The following VASH1 variants were observed in gnomAD, a reference collection of about 807,000 sequenced individuals.
The protein encoded by VASH1 is vasohibin 1.
In VASH1, 16 loss-of-function variants were observed where a neutral mutation model predicts 35.0. The observed-to-expected ratio is 0.46, with a 90% confidence interval of 0.31 to 0.70. The LOEUF (loss-of-function observed/expected upper bound fraction) is 0.70, where lower values mean the gene tolerates loss of function less well. Among genes scored for constraint, VASH1 ranks in the 30% least tolerant of loss-of-function variants. The pLI, the probability that VASH1 is intolerant of heterozygous loss-of-function variation, is 0.05. For missense variants in VASH1, 505 were observed against 510.7 expected (o/e 0.99, Z 0.11); for synonymous variants, 214 against 200.9 (o/e 1.07, Z -0.55).
chr14:76,776,310 C>A, intron 5 of VASH1, 37 bp downstream of exon 5: 1 of 1,492,678 alleles, frequency 6.7e-7, no homozygotes, highest in African/African-American at 1.4e-5. Flanking sequence ...CCCTCCCTCG[C>A]CCCCTCCCCC....
intron 5 of VASH1, among the ~76,000 whole-genome samples, chr14:76,777,358 T>A (rs1309497338): frequency 6.6e-6 from 1 of 152,228 alleles, no homozygotes; most frequent in Non-Finnish European, 1.5e-5. Flanking sequence ...AGGCATCAGA[T>A]TGGATCTAGG....
Position 76,779,473 on chromosome 14 carries a change from A to G in VASH1, c.*455A>G, listed in dbSNP as rs1181623828. On this transcript the variant is annotated 3_prime_UTR_variant, in exon 7 of 7. Transcript: ENST00000167106. Reference sequence around the variant, plus strand: ...GATGGGGGGTGGGGGTGGGGTGGAGATGTTTCTCCAGTTCTGCCTGCCCTG... The same window carrying G: ...GATGGGGGGTGGGGGTGGGGTGGAGGTGTTTCTCCAGTTCTGCCTGCCCTG... 1 of 701,420 alleles carries G rather than the reference A, an allele frequency of 1.4e-6. No homozygotes were observed. The highest frequency in any genetic ancestry group is 2.6e-6 in the Non-Finnish European group (1 of 384,598). The allele number at this position is 701,420 out of a possible 1,614,324, so 43.4% of individuals were successfully genotyped here.
In VASH1 at chr14:76,762,443, G is replaced by C. The variant is rs1317591656; in HGVS notation, c.-379G>C. 3 of 169,096 alleles carry C rather than the reference G, an allele frequency of 1.8e-5. No individual in the cohort carries two copies. The highest frequency in any genetic ancestry group is 7.1e-5 in the African/African-American group (3 of 42,338). The allele number at this position is 169,096 out of a possible 1,614,324, so 10.5% of individuals were successfully genotyped here. A position where few individuals can be genotyped will look rare whatever the true frequency, so the allele number is the denominator to read the frequency against. Reference sequence around the variant, plus strand: ...GACTCTGTCCTTTCTGCAGCCGCTGGTCCGAGCTGTCTGGCCTCAGTTTCC... The same window carrying C: ...GACTCTGTCCTTTCTGCAGCCGCTGCTCCGAGCTGTCTGGCCTCAGTTTCC... On this transcript the variant is annotated 5_prime_UTR_variant, in exon 1 of 7. Transcript: ENST00000167106.
intron 3 of VASH1, among the ~76,000 whole-genome samples, chr14:76,771,666 CT>C (rs918179049): frequency 2.1e-4 from 32 of 152,338 alleles, no homozygotes; most frequent in African/African-American, 7.5e-4. Context: ...TTGCAGGGTA[CT>C]TGCATGGTCA....
At chr14:76,763,279 A>T (rs1893555459) in intron 1 of VASH1, 149 bp downstream of exon 1, 2 of 844,918 alleles carry the variant, frequency 2.4e-6, no homozygotes, top group Non-Finnish European at 3.2e-6. Context: ...CCTGTCTAGG[A>T]GAACTTTCTC....
At position 76,779,829 on chromosome 14, in the gene VASH1, C is replaced by T. The variant is rs1894054634; in HGVS notation, c.*811C>T. 2 of 418,580 alleles carry T rather than the reference C, an allele frequency of 4.8e-6. No individual in the cohort carries two copies. Among genetic ancestry groups the T allele is most frequent in the Non-Finnish European group, 8.5e-6 (2 of 236,182 alleles). 25.9% of individuals were successfully genotyped at this position (418,580 alleles called of 1,614,324 possible). The stretch of plus-strand genomic sequence containing the variant: ...GGGCTTGGCGGAGGACCCAGAATGG[C>T]ACTGAGGCCAGCATGGCTGTGGGAG... On this transcript the variant is annotated 3_prime_UTR_variant, in exon 7 of 7. Transcript: ENST00000167106.
intron 3 of VASH1, among the ~76,000 whole-genome samples, chr14:76,772,094 G>A (rs1893808489): frequency 6.6e-6 from 1 of 152,124 alleles, no homozygotes; most frequent in Non-Finnish European, 1.5e-5. Context: ...ACAAAAATTA[G>A]CTGGGCGTGG....
intron 1 of VASH1, chr14:76,769,474 T>C (rs1893732165): frequency 7.8e-7 from 1 of 1,288,806 alleles, no homozygotes; most frequent in Non-Finnish European, 1.0e-6. Context: ...TGATACTGGG[T>C]GGGTCCCCTA....
At chr14:76,771,512 T>C (rs756078241) in intron 3 of VASH1, among the ~76,000 whole-genome samples, 17 of 152,216 alleles carry the variant, frequency 1.1e-4, no homozygotes, top group Non-Finnish European at 1.8e-4. Context: ...CCCCAGCTCT[T>C]GCCTTGGCCA....
At position 76,768,374 on chromosome 14, in the gene VASH1, G is replaced by A. The variant is rs551440336; in HGVS notation, c.310-1589G>A. ...GAAATGGCTCCCTCCAGACAGAGAC[G>A]TCAGCGGCTCAGGAGCCAGGGCAGC... is the stretch of plus-strand genomic sequence containing the variant. On this transcript the variant is annotated intron_variant, in intron 1 of 6. Coordinates refer to ENST00000167106, the MANE Select transcript of VASH1 (RefSeq NM_014909.5). Among the ~76,000 whole-genome samples the A allele has an allele frequency of 2.6e-4, 39 of 152,320 alleles. 1 individual carries two copies. Among genetic ancestry groups the A allele is most frequent in the South Asian group, 8.3e-4 (4 of 4,830 alleles).
In VASH1 at chr14:76,780,952, G is replaced by A. The variant is rs767656807; in HGVS notation, c.*1934G>A. 5 of 152,402 alleles carry A rather than the reference G, an allele frequency of 3.3e-5. No homozygotes were observed. Among genetic ancestry groups the A allele is most frequent in the Admixed American group, 6.5e-5 (1 of 15,286 alleles). The allele number at this position is 152,402 out of a possible 1,614,324, so 9.4% of individuals were successfully genotyped here. On this transcript the variant is annotated 3_prime_UTR_variant, in exon 7 of 7. Coordinates refer to ENST00000167106, the MANE Select transcript of VASH1 (RefSeq NM_014909.5). The stretch of plus-strand genomic sequence containing the variant: ...AAGCCACTGAGTCTCCTCCCAGAGC[G>A]GGACAAACCAGAGGCCCTTTGCAGT...
At chr14:76,776,888 T>A (rs1014086292) in intron 5 of VASH1, among the ~76,000 whole-genome samples, 1 of 152,132 alleles carries the variant, frequency 6.6e-6, no homozygotes, top group African/African-American at 2.4e-5. Context: ...ACTGCTGCAC[T>A]GTGACTGCCC....
At chr14:76,778,158 T>G in intron 6 of VASH1, 87 bp downstream of exon 6, 1 of 971,260 alleles carries the variant, frequency 1.0e-6, no homozygotes, top group Non-Finnish European at 1.4e-6. Context: ...TTTTTATCTC[T>G]CTCCCACCCT....
chr14:76,763,896 C>T (rs1018401010), intron 1 of VASH1, among the ~76,000 whole-genome samples: 4 of 152,298 alleles, frequency 2.6e-5, no homozygotes, highest in Admixed American at 6.5e-5. Context: ...CTTCCCAAGG[C>T]CTCCTGTGTG....
At position 76,776,012 on chromosome 14, in the gene VASH1, G is replaced by C; in HGVS notation, c.651G>C (p.Ala217=). 1 of 1,612,900 alleles carries C rather than the reference G, an allele frequency of 6.2e-7. No homozygotes were observed. Residue 217 remains alanine, a synonymous_variant, in exon 5 of 7, where the codon GCG becomes GCC. Coordinates refer to ENST00000167106, the MANE Select transcript of VASH1 (RefSeq NM_014909.5). Reference sequence around the variant, plus strand: ...TGAACTTCGCGGGCCGCTACGGTGCGCTGGGCATGAGTCGGCGCGAGGACC... The same window carrying C: ...TGAACTTCGCGGGCCGCTACGGTGCCCTGGGCATGAGTCGGCGCGAGGACC... ...LGVNFAGRYG[A]LGMSRREDLM...
At chr14:76,775,736 A>C (rs1171198418) in intron 4 of VASH1, among the ~76,000 whole-genome samples, 156 bp from the exon 5 acceptor site, 3 of 152,286 alleles carry the variant, frequency 2.0e-5, no homozygotes, top group African/African-American at 7.2e-5. Flanking sequence ...TGGCAGGAAT[A>C]CCAGGAGGAG....
chr14:76,772,037 T>C (rs1893807187), intron 3 of VASH1, among the ~76,000 whole-genome samples: 1 of 152,084 alleles, frequency 6.6e-6, no homozygotes, highest in Non-Finnish European at 1.5e-5. Flanking sequence ...GTCAGGAGTT[T>C]GAGACCAGCC....
At chr14:76,767,481 A>G (rs1030647785) in intron 1 of VASH1, among the ~76,000 whole-genome samples, 1 of 152,130 alleles carries the variant, frequency 6.6e-6, no homozygotes, top group African/African-American at 2.4e-5. Flanking sequence ...ACTCAGGACT[A>G]GGGGTTCCTG....
Position 76,776,224 on chromosome 14 carries a change from A to G in VASH1, c.863A>G (p.Asp288Gly), listed in dbSNP as rs1439130906. ...SVLDVERLGRDDFRKELERHA... is the reference protein window; with the variant it reads ...SVLDVERLGRGDFRKELERHA... ...CTGGACGTGGAGCGCCTGGGCCGCG[A>G]TGACTTCCGCAAGGAGCTGGAGCGC... is the stretch of plus-strand genomic sequence containing the variant. The change falls in exon 5 of 7, where the codon GAT becomes GGT. Residue 288 changes from aspartate to glycine, a missense_variant. Physicochemically the swap from Asp to Gly is moderately conservative, Grantham distance 94. Coordinates refer to ENST00000167106, the MANE Select transcript of VASH1 (RefSeq NM_014909.5). 6.2e-7 allele frequency: 1 copy of G among 1,608,572 alleles called. No individual in the cohort carries two copies. Among genetic ancestry groups the G allele is most frequent in the South Asian group, 1.1e-5 (1 of 90,972 alleles).
Sources: gnomAD v4.1 joint callset for allele counts (sites outside exome capture counted in the v4.1 genomes callset) on GRCh38, gnomAD v4.1.1 for gene constraint, MANE v1.5 for transcripts, NCBI Gene and HGNC (gene_info 2026-07-23, HGNC 2026-07-21) for gene names.